TSHZ3: variants seen among roughly 807,000 people sequenced by gnomAD.
TSHZ3 encodes teashirt homolog 3.
TSHZ3 carries 10 observed loss-of-function variants against 64.5 expected under a neutral mutation model. The ratio of observed to expected loss-of-function variants is 0.16; its 90% confidence interval spans 0.10 to 0.26. The LOEUF is 0.26. TSHZ3 is among the 10% of genes least tolerant of loss of function. TSHZ3 has a pLI of 1.00. For missense variants in TSHZ3, 1,242 were observed against 1,421.7 expected, an observed-to-expected ratio of 0.87 and a Z score of 2.03; for synonymous variants, 608 against 593.1, an observed-to-expected ratio of 1.03 and a Z score of -0.36.
At chr19:31,251,159 C>T (rs958350193) in intron 1 of TSHZ3, among the ~76,000 whole-genome samples, 1 of 152,148 alleles carries the variant, frequency 6.6e-6, no homozygotes, top group African/African-American at 2.4e-5. Flanking sequence ...GTGCTCAGGC[C>T]TGAGCAGTAG....
At chr19:31,225,044 G>T (rs923325916) in intron 4 of TSHZ3, among the ~76,000 whole-genome samples, 1 of 152,330 alleles carries the variant, frequency 6.6e-6, no homozygotes, top group East Asian at 1.9e-4. Context: ...GAGAAGAGGA[G>T]GCCAGACCTG....
intron 5 of TSHZ3, among the ~76,000 whole-genome samples, chr19:31,196,079 A>ATG (rs540716706): frequency 4.0e-5 from 6 of 151,278 alleles, no homozygotes; most frequent in Admixed American, 1.3e-4. Context: ...TTGTGTGTGT[A>ATG]TGTGTGTGTG....
chr19:31,177,448 G>C (rs1426861073), intron 5 of TSHZ3, among the ~76,000 whole-genome samples: 1 of 152,136 alleles, frequency 6.6e-6, no homozygotes, highest in Non-Finnish European at 1.5e-5. Flanking sequence ...GGGGCTGCTG[G>C]CCGTCTGCAA....
At chr19:31,167,081 T>A (rs907894274) in intron 5 of TSHZ3, among the ~76,000 whole-genome samples, 1 of 152,154 alleles carries the variant, frequency 6.6e-6, no homozygotes, top group Non-Finnish European at 1.5e-5. Context: ...GAAGTTATGC[T>A]ACAGGGCTTC....
chr19:31,295,345 A>G (rs1976643967), intron 1 of TSHZ3, among the ~76,000 whole-genome samples: 1 of 152,174 alleles, frequency 6.6e-6, no homozygotes, highest in Non-Finnish European at 1.5e-5. Context: ...TCATCAAAAG[A>G]CCTGTACGCT....
In TSHZ3 at chr19:31,205,742, C is replaced by G. The variant is rs555236944; in HGVS notation, n.687-664G>C. On this transcript the variant is annotated intron_variant and non_coding_transcript_variant, in intron 4 of 6. Coordinates refer to the TSHZ3 transcript ENST00000651361. ...AGAGGCTGTTGGCCCCTTTCCCCAC[C>G]TCTCAGCTCCTTAGCACTTTGAATC... Among the ~76,000 whole-genome samples the G allele has an allele frequency of 6.0e-4, 91 of 152,350 alleles. No individual in the cohort carries two copies. The South Asian group carries it at 0.012, about 19-fold the overall frequency.
chr19:31,210,900 C>T (rs988557184), intron 4 of TSHZ3, among the ~76,000 whole-genome samples: 4 of 152,134 alleles, frequency 2.6e-5, no homozygotes, highest in Non-Finnish European at 5.9e-5. Flanking sequence ...ATATATCATA[C>T]TCTGTGTTCC....
chr19:31,274,468 T>C (rs540614264), downstream of TSHZ3, among the ~76,000 whole-genome samples: 3 of 152,198 alleles, frequency 2.0e-5, no homozygotes, highest in East Asian at 1.9e-4. Flanking sequence ...TCTGACCCGA[T>C]TGGTTCTGTT....
rs150215275 is a variant in TSHZ3 at position 31,223,585 on chromosome 19, C to A, written n.686+4420G>T. Among the ~76,000 whole-genome samples the A allele has an allele frequency of 2.4e-3, 372 of 152,176 alleles. 4 individuals are homozygous for A. Among genetic ancestry groups the A allele is most frequent in the African/African-American group, 8.7e-3 (360 of 41,526 alleles). ...TCCAGTTATTTATTTATTTTGCTCT[C>A]TCCTTTGGAAAGCGATGCACATGTA... On this transcript the variant is annotated intron_variant and non_coding_transcript_variant, in intron 4 of 6. Transcript: ENST00000651361.
intron 4 of TSHZ3, among the ~76,000 whole-genome samples, chr19:31,213,964 C>T (rs951211553): frequency 2.6e-5 from 4 of 152,120 alleles, no homozygotes; most frequent in African/African-American, 9.7e-5. Context: ...TTATTTTATT[C>T]TTATTTCTCA....
intron 1 of TSHZ3, among the ~76,000 whole-genome samples, chr19:31,317,956 T>C (rs1916652444): frequency 6.6e-6 from 1 of 152,130 alleles, no homozygotes; most frequent in Admixed American, 6.5e-5. Flanking sequence ...CTGTAAAAGC[T>C]CCCTTTACCA....
At chr19:31,285,747 A>G (rs1976448662) in intron 1 of TSHZ3, among the ~76,000 whole-genome samples, 1 of 131,644 alleles carries the variant, frequency 7.6e-6, no homozygotes, top group Non-Finnish European at 1.5e-5. Flanking sequence ...TCGTCACTGC[A>G]CTCCAGCCTG....
intron 5 of TSHZ3, among the ~76,000 whole-genome samples, chr19:31,183,374 A>G (rs1974754238): frequency 6.6e-6 from 1 of 152,110 alleles, no homozygotes; most frequent in African/African-American, 2.4e-5. Flanking sequence ...AGGTCTTCTC[A>G]TTTTCATGAA....
chr19:31,327,660 C>G (rs1568382617), intron 1 of TSHZ3, among the ~76,000 whole-genome samples: 1 of 152,106 alleles, frequency 6.6e-6, no homozygotes. Flanking sequence ...TACACGTATA[C>G]ACGCATATAA....
intron 1 of TSHZ3, 73 bp downstream of exon 1, chr19:31,349,107 G>C: frequency 6.7e-7 from 1 of 1,501,796 alleles, no homozygotes; most frequent in Non-Finnish European, 8.9e-7. Flanking sequence ...GAGCGGGGTC[G>C]CGCCCGCTGG....
At chr19:31,269,527 G>C (rs1328062745) in intron 1 of TSHZ3, among the ~76,000 whole-genome samples, 3 of 151,686 alleles carry the variant, frequency 2.0e-5, no homozygotes, top group African/African-American at 4.8e-5. Flanking sequence ...ACGGACAAGA[G>C]AGTCACATAA....
chr19:31,185,187 C>A (rs1974785341), intron 5 of TSHZ3, among the ~76,000 whole-genome samples: 1 of 152,140 alleles, frequency 6.6e-6, no homozygotes, highest in South Asian at 2.1e-4. Context: ...GGCCGCCATG[C>A]AGACTTATTC....
downstream of TSHZ3, among the ~76,000 whole-genome samples, chr19:31,272,271 C>A (rs77295809): frequency 2.0e-5 from 3 of 151,920 alleles, no homozygotes; most frequent in African/African-American, 4.8e-5. Flanking sequence ...TTTGTCACCA[C>A]GTCTGTGGAA....
intron 1 of TSHZ3, among the ~76,000 whole-genome samples, chr19:31,314,019 C>T (rs1229766243): frequency 1.3e-5 from 2 of 152,126 alleles, no homozygotes; most frequent in Non-Finnish European, 2.9e-5. Flanking sequence ...CCCAGGTCCA[C>T]ATTTGGGAAA....
Sources: gnomAD v4.1 joint callset for allele counts (sites outside exome capture counted in the v4.1 genomes callset) on GRCh38, gnomAD v4.1.1 for gene constraint, MANE v1.5 for transcripts, NCBI Gene and HGNC (gene_info 2026-07-23, HGNC 2026-07-21) for gene names.